VRTN: variants seen among roughly 807,000 people sequenced by gnomAD.
The protein encoded by VRTN is vertebrae development associated.
VRTN carries 5 observed loss-of-function variants against 18.2 expected under a neutral mutation model. The ratio of observed to expected loss-of-function variants is 0.27; its 90% CI spans 0.14 to 0.58. The LOEUF is 0.58. Among genes scored for constraint, VRTN ranks in the 20% least tolerant of loss-of-function variants. The pLI, the probability that VRTN is intolerant of heterozygous loss-of-function variation, is 0.91. For synonymous variants in VRTN, 381 were observed against 393.7 expected, an observed-to-expected ratio of 0.97 and a Z score of 0.38; for missense variants, 741 against 939.4, an observed-to-expected ratio of 0.79 and a Z score of 2.76.
rs370960274 is a variant in VRTN at position 74,355,702 on chromosome 14, C to CT, written c.-1-1071dup. Among the ~76,000 whole-genome samples the CT allele has an allele frequency of 3.3e-3, 499 of 149,006 alleles. 4 individuals are homozygous for CT. The highest frequency in any genetic ancestry group is 0.011 in the African/African-American group (455 of 40,660). ...GGTGCATTCCACCATGCCTGGCTAACTTTTTTTTTTGTATTTTTAGTAGCA... is the reference window on the plus strand; with the variant it reads ...GGTGCATTCCACCATGCCTGGCTAACTTTTTTTTTTTGTATTTTTAGTAGCA... On this transcript the variant is annotated intron_variant, in intron 1 of 1. Coordinates refer to ENST00000256362, the MANE Select transcript of VRTN (RefSeq NM_018228.3).
At chr14:74,337,950 T>C (rs2085575820) in intron 2 of VRTN, 1 of 152,180 alleles carries the variant, frequency 6.6e-6, no homozygotes, top group Non-Finnish European at 1.5e-5. Flanking sequence ...TGTTTCATCT[T>C]TTTATTGTAA....
In VRTN at chr14:74,335,213, G is replaced by A. The variant is rs574745019; in HGVS notation, c.-163-2510G>A. ...GGAGAATAACTTGAACCTGGGAGGC[G>A]GAGTTTGCAGTGAGCTGACATCATG... On this transcript the variant is annotated intron_variant, in intron 1 of 2. Coordinates refer to the VRTN transcript ENST00000557177. Among the ~76,000 whole-genome samples, 33 of 152,214 alleles carry A rather than the reference G, an allele frequency of 2.2e-4. No individual in the cohort carries two copies. In the South Asian group the frequency reaches 6.9e-3, roughly 32 times the overall value.
intron 1 of VRTN, among the ~76,000 whole-genome samples, chr14:74,315,319 G>T (rs1415386793): frequency 1.3e-5 from 2 of 152,076 alleles, no homozygotes; most frequent in East Asian, 3.9e-4. Context: ...ATTCATGCGA[G>T]TCTTGTGCCT....
At chr14:74,324,512 C>T (rs2085476305) in intron 1 of VRTN, among the ~76,000 whole-genome samples, 1 of 151,890 alleles carries the variant, frequency 6.6e-6, no homozygotes, top group Non-Finnish European at 1.5e-5. Context: ...GCCAGTCTGT[C>T]TGGCAGCTGG....
At chr14:74,328,633 C>T (rs936258701) in intron 1 of VRTN, among the ~76,000 whole-genome samples, 2 of 152,142 alleles carry the variant, frequency 1.3e-5, no homozygotes, top group Non-Finnish European at 2.9e-5. Context: ...AAACATTCTA[C>T]AGCTGTTAAA....
chr14:74,310,383 G>A (rs1249148795), intron 1 of VRTN, among the ~76,000 whole-genome samples: 4 of 125,342 alleles, frequency 3.2e-5, no homozygotes, highest in Admixed American at 2.7e-4. Context: ...GGCAACAAAC[G>A]CAAAACTCTG....
At chr14:74,349,823 C>T (rs1260403353) in intron 1 of VRTN, among the ~76,000 whole-genome samples, 1 of 152,174 alleles carries the variant, frequency 6.6e-6, no homozygotes, top group African/African-American at 2.4e-5. Flanking sequence ...TCATTCATTC[C>T]TTGGCTTTAC....
intron 1 of VRTN, among the ~76,000 whole-genome samples, chr14:74,324,161 G>C (rs1255340332): frequency 6.6e-6 from 1 of 152,036 alleles, no homozygotes; most frequent in Non-Finnish European, 1.5e-5. Context: ...GGCCGAGGCA[G>C]GCGGATCATG....
At chr14:74,333,157 C>G (rs553375881) in intron 1 of VRTN, among the ~76,000 whole-genome samples, 7 of 152,032 alleles carry the variant, frequency 4.6e-5, no homozygotes, top group African/African-American at 1.2e-4. Context: ...CCGAGGCGGG[C>G]GGGTCACCCG....
At chr14:74,333,017 T>TTTGAAGGCAGAAATCAC (rs1459075610) in intron 1 of VRTN, among the ~76,000 whole-genome samples, 1 of 152,222 alleles carries the variant, frequency 6.6e-6, no homozygotes, top group Non-Finnish European at 1.5e-5. Flanking sequence ...GCTAGATTTC[T>TTTGAAGGCAGAAATCAC]TTGAAGGCAG....
At chr14:74,315,271 C>T (rs1110475) in intron 1 of VRTN, among the ~76,000 whole-genome samples, 45,320 of 152,002 alleles carry the variant, frequency 0.3, 7,291 homozygotes, top group Middle Eastern at 0.56. Flanking sequence ...TGGCTTGTAG[C>T]GGTGTGATCT....
Position 74,358,087 on chromosome 14 carries a change from C to T in VRTN, c.1304C>T (p.Thr435Ile), listed in dbSNP as rs762892356. 1 of 1,614,230 alleles carries T rather than the reference C, an allele frequency of 6.2e-7. No individual in the cohort carries two copies. ...AGGTTCCCTGGCATCTCACGGTCCA[C>T]TTATTATAATTGGCGGCGAAAGGCC... ...KRRFPGISRSTYYNWRRKALR... is the reference protein window; with the variant it reads ...KRRFPGISRSIYYNWRRKALR... The change falls in exon 2 of 2, where the codon ACT becomes ATT. Residue 435 changes from threonine to isoleucine, a missense_variant. Thr to Ile is a moderately conservative substitution (Grantham distance 89). Coordinates refer to ENST00000256362, the MANE Select transcript of VRTN (RefSeq NM_018228.3). The surrounding 1 kb of genome is among the most constrained non-coding windows in gnomAD (Gnocchi z 5.4).
chr14:74,331,118 C>T (rs533281391), intron 1 of VRTN, among the ~76,000 whole-genome samples: 28 of 151,970 alleles, frequency 1.8e-4, no homozygotes, highest in Admixed American at 9.2e-4. Flanking sequence ...AGGAGAATGG[C>T]GTGAACCCGG....
chr14:74,316,483 A>G (rs559520197), intron 1 of VRTN, among the ~76,000 whole-genome samples: 108 of 150,380 alleles, frequency 7.2e-4, no homozygotes, highest in Non-Finnish European at 1.4e-3. Context: ...ACTGCACTCC[A>G]GCCTGGGCAA....
At chr14:74,354,625 G>C (rs530051860) in intron 1 of VRTN, among the ~76,000 whole-genome samples, 1 of 151,976 alleles carries the variant, frequency 6.6e-6, no homozygotes, top group Non-Finnish European at 1.5e-5. Context: ...GGATGGTCTC[G>C]ATCTCCTGAG....
At chr14:74,324,405 A>AAAG (rs1567040388) in intron 1 of VRTN, among the ~76,000 whole-genome samples, 1 of 150,792 alleles carries the variant, frequency 6.6e-6, no homozygotes, top group African/African-American at 2.4e-5. Flanking sequence ...AAAAAAAAAA[A>AAAG]AAAGAAGGAT....
At chr14:74,349,371 G>C (rs2085668631) in intron 1 of VRTN, among the ~76,000 whole-genome samples, 1 of 152,234 alleles carries the variant, frequency 6.6e-6, no homozygotes, top group African/African-American at 2.4e-5. Context: ...GGTGTGGCCA[G>C]GGCAGGGAGG....
chr14:74,305,489 A>G, intron 1 of VRTN: 1 of 207,610 alleles, frequency 4.8e-6, no homozygotes. Flanking sequence ...TGATGTTGAC[A>G]AAAAGTTAAA....
At chr14:74,314,503 T>A (rs923527929) in intron 1 of VRTN, among the ~76,000 whole-genome samples, 2 of 149,544 alleles carry the variant, frequency 1.3e-5, no homozygotes, top group African/African-American at 5.0e-5. Context: ...TTCAAGCAAT[T>A]CTCCTGCCTC....
Sources: allele counts gnomAD v4.1 joint callset (sites outside exome capture counted in the v4.1 genomes callset), GRCh38; gene constraint gnomAD v4.1.1; non-coding constraint Gnocchi (gnomAD v3.1); transcripts MANE v1.5; gene names NCBI Gene and HGNC (gene_info 2026-07-23, HGNC 2026-07-21).